ROR2: variants seen among roughly 807,000 people sequenced by gnomAD.
ROR2 encodes ROR family WNT receptor 2, also known as tyrosine-protein kinase transmembrane receptor ROR2.
In ROR2, 33 loss-of-function variants were observed where a neutral mutation model predicts 74.9. The ratio of observed to expected loss-of-function variants is 0.44; its 90% CI spans 0.33 to 0.59. The LOEUF (loss-of-function observed/expected upper bound fraction) is 0.59. ROR2 is among the 20% of genes least tolerant of loss of function. The probability of loss-of-function intolerance (pLI) is 0.02; values close to 1 mark genes in which losing one functional copy is unlikely to be tolerated. For synonymous variants in ROR2, 586 were observed against 558.7 expected, an observed-to-expected ratio of 1.05 and a Z score of -0.69; for missense variants, 1,216 against 1,313.8, an observed-to-expected ratio of 0.93 and a Z score of 1.15.
chr9:91,828,701 A>C (rs1828365226), intron 1 of ROR2, among the ~76,000 whole-genome samples: 1 of 152,176 alleles, frequency 6.6e-6, no homozygotes, highest in Non-Finnish European at 1.5e-5. Context: ...GTAACAGAGC[A>C]AGACCCTGTC....
chr9:91,746,748 T>C (rs1825433112), intron 4 of ROR2, among the ~76,000 whole-genome samples: 1 of 152,218 alleles, frequency 6.6e-6, no homozygotes, highest in Admixed American at 6.5e-5. Flanking sequence ...CTGATTCTTG[T>C]TCCCATAAGA....
chr9:91,824,411 G>A (rs1828223454), intron 1 of ROR2, among the ~76,000 whole-genome samples: 1 of 152,182 alleles, frequency 6.6e-6, no homozygotes, highest in African/African-American at 2.4e-5. Flanking sequence ...CAGTGAAGTG[G>A]GCACTAAACC....
In ROR2 at chr9:91,792,485, C is replaced by T. The variant is rs368867069; in HGVS notation, c.98-16667G>A. On this transcript the variant is annotated intron_variant, in intron 1 of 8. Coordinates refer to ENST00000375708, the MANE Select transcript of ROR2 (RefSeq NM_004560.4). The stretch of plus-strand genomic sequence containing the variant: ...CACCACGCCCAGCTAATTTTTTGTA[C>T]TTTTAGTAGACACTGGGTTTCACCG... Among the ~76,000 whole-genome samples the T allele has an allele frequency of 2.8e-3, 427 of 152,048 alleles. 1 individual carries two copies. Among genetic ancestry groups the T allele is most frequent in the African/African-American group, 9.3e-3 (385 of 41,498 alleles).
intron 1 of ROR2, among the ~76,000 whole-genome samples, chr9:91,857,682 A>G (rs1829339558): frequency 6.6e-6 from 1 of 152,126 alleles, no homozygotes; most frequent in African/African-American, 2.4e-5. Flanking sequence ...CTGGGCCGGC[A>G]GGAGCAGGCA....
chr9:91,908,589 A>T (rs1488044892), intron 1 of ROR2, among the ~76,000 whole-genome samples: 1 of 152,236 alleles, frequency 6.6e-6, no homozygotes, highest in Non-Finnish European at 1.5e-5. Flanking sequence ...CATAAAATCA[A>T]GGAATACGCC....
chr9:91,766,995 A>G (rs768005436), intron 2 of ROR2, among the ~76,000 whole-genome samples: 1 of 152,192 alleles, frequency 6.6e-6, no homozygotes, highest in Admixed American at 6.5e-5. Flanking sequence ...GCTGAGTCCA[A>G]GCATCAAAAC....
At chr9:91,803,903 C>T (rs1587734460) in intron 1 of ROR2, among the ~76,000 whole-genome samples, 4 of 152,246 alleles carry the variant, frequency 2.6e-5, no homozygotes, top group African/African-American at 4.8e-5. Flanking sequence ...GAATGTGCAA[C>T]TCCATGGCAT....
intron 1 of ROR2, among the ~76,000 whole-genome samples, chr9:91,874,564 T>C (rs1829902462): frequency 6.6e-6 from 1 of 152,178 alleles, no homozygotes; most frequent in Non-Finnish European, 1.5e-5. Context: ...ACATCTGACC[T>C]CAGCCTGCTT....
chr9:91,913,384 T>TC (rs1491189154), intron 1 of ROR2, among the ~76,000 whole-genome samples: 3 of 151,948 alleles, frequency 2.0e-5, no homozygotes, highest in Non-Finnish European at 2.9e-5. Context: ...TGATTTTTTT[T>TC]CTCTCTTTGT....
intron 1 of ROR2, among the ~76,000 whole-genome samples, chr9:91,858,409 AGGCACACACAGGCGCGCACAG>A (rs1464445872): frequency 6.6e-6 from 1 of 152,106 alleles, no homozygotes; most frequent in Non-Finnish European, 1.5e-5. Context: ...ACATTCACAC[AGGCACACACAGGCGCGCACAG>A]GGCACACACC....
rs1265707472 is a variant in ROR2, at chr9:91,737,451, T to C, written c.562A>G (p.Asn188Asp). ...RGIACARFIG[N>D]RTIYVDSLQM... The stretch of plus-strand genomic sequence containing the variant: ...AGCGAGTCCACATAAATGGTCCGGT[T>C]GCCAATGAAGCGTGCACAGGCAATT... Residue 188 changes from asparagine to aspartate, a missense_variant, in exon 5 of 9, where the codon AAC becomes GAC. Physicochemically the swap from Asn to Asp is conservative, Grantham distance 23. Coordinates refer to ENST00000375708, the MANE Select transcript of ROR2 (RefSeq NM_004560.4). The C allele has an allele frequency of 1.9e-6, 3 of 1,614,158 alleles. No individual in the cohort carries two copies. In the East Asian group the frequency reaches 6.7e-5, roughly 36 times the overall value.
chr9:91,877,136 T>A (rs73519115), intron 1 of ROR2, among the ~76,000 whole-genome samples: 19,611 of 152,080 alleles, frequency 0.13, 2,541 homozygotes, highest in African/African-American at 0.34. Flanking sequence ...CCAAAGAACA[T>A]GACGTGCAAC....
chr9:91,738,828 C>T (rs1825123980), intron 4 of ROR2, among the ~76,000 whole-genome samples: 1 of 152,190 alleles, frequency 6.6e-6, no homozygotes, highest in Non-Finnish European at 1.5e-5. Context: ...CTGCTCCTCC[C>T]GGTCAGCCTG....
chr9:91,826,101 C>A (rs1227651333), intron 1 of ROR2, among the ~76,000 whole-genome samples: 1 of 152,174 alleles, frequency 6.6e-6, no homozygotes, highest in East Asian at 1.9e-4. Context: ...AGCCCAGGCT[C>A]CCTGGGTTCA....
chr9:91,878,129 G>GA (rs1303552229), intron 1 of ROR2, among the ~76,000 whole-genome samples: 5 of 151,754 alleles, frequency 3.3e-5, no homozygotes, highest in South Asian at 2.1e-4. Flanking sequence ...TCATTGCTAG[G>GA]AAAAAAAACA....
intron 2 of ROR2, among the ~76,000 whole-genome samples, chr9:91,770,773 T>C (rs1826201470): frequency 6.6e-6 from 1 of 152,188 alleles, no homozygotes; most frequent in South Asian, 2.1e-4. Context: ...GATGATCCCA[T>C]TTTCATTTGT....
intron 1 of ROR2, among the ~76,000 whole-genome samples, chr9:91,846,335 A>C (rs905757284): frequency 6.6e-6 from 1 of 152,134 alleles, no homozygotes; most frequent in African/African-American, 2.4e-5. Flanking sequence ...AATTCAATAT[A>C]GTTGGCATCC....
intron 1 of ROR2, among the ~76,000 whole-genome samples, chr9:91,929,119 A>C (rs778936907): frequency 1.5e-4 from 23 of 152,268 alleles, no homozygotes; most frequent in Non-Finnish European, 2.2e-4. Flanking sequence ...CAGAAACAGT[A>C]AACCTCCACA....
At chr9:91,871,595 C>G (rs1009512002) in intron 1 of ROR2, among the ~76,000 whole-genome samples, 2 of 152,214 alleles carry the variant, frequency 1.3e-5, no homozygotes, top group African/African-American at 4.8e-5. Flanking sequence ...ACTCCCCCAA[C>G]AAGAGCTGGA....
Sources: allele counts gnomAD v4.1 joint callset (sites outside exome capture counted in the v4.1 genomes callset), GRCh38; gene constraint gnomAD v4.1.1; transcripts MANE v1.5; gene names NCBI Gene and HGNC (gene_info 2026-07-23, HGNC 2026-07-21).